The following NEGR1 variants were observed in gnomAD, a reference collection of about 807,000 sequenced individuals.
The protein encoded by NEGR1 is IgLON family member 4.
NEGR1 carries 10 observed loss-of-function variants against 40.9 expected under a neutral mutation model. The ratio of observed to expected loss-of-function variants is 0.24; its 90% CI spans 0.15 to 0.42. NEGR1 has a LOEUF of 0.42. Ranked by LOEUF, NEGR1 falls within the 10% of genes least tolerant of loss-of-function variation. The probability of loss-of-function intolerance (pLI) is 1.00; values close to 1 mark genes in which losing one functional copy is unlikely to be tolerated. For missense variants in NEGR1, 352 were observed against 438.9 expected (o/e 0.80, Z 1.77); for synonymous variants, 185 against 166.8 (o/e 1.11, Z -0.84).
intron 2 of NEGR1, among the ~76,000 whole-genome samples, chr1:71,886,466 A>C (rs376346296): frequency 1.3e-5 from 2 of 151,732 alleles, no homozygotes; most frequent in South Asian, 2.1e-4. Context: ...GGAAAAAAAA[A>C]AAAACAAAGG....
In NEGR1 at chr1:72,033,554, A is replaced by G. The variant is rs1367717445; in HGVS notation, c.177-98243T>C. Among the ~76,000 whole-genome samples, 4 of 152,218 alleles carry G rather than the reference A, an allele frequency of 2.6e-5. No homozygotes were observed. In the East Asian group the frequency reaches 7.7e-4, roughly 29 times the overall value. ...TTTCACACTATTTCACTTTCAAGTA[A>G]ATTCATGCACATTTTAAACATATTA... is the stretch of plus-strand genomic sequence containing the variant. On this transcript the variant is annotated intron_variant, in intron 1 of 6. Coordinates refer to ENST00000357731, the MANE Select transcript of NEGR1 (RefSeq NM_173808.3).
At chr1:72,273,112 C>T (rs1266048320) in intron 1 of NEGR1, among the ~76,000 whole-genome samples, 1 of 151,890 alleles carries the variant, frequency 6.6e-6, no homozygotes, top group East Asian at 1.9e-4. Flanking sequence ...AGCCATATGA[C>T]CACATTAAAA....
chr1:71,477,772 C>T (rs1179086924), intron 6 of NEGR1, among the ~76,000 whole-genome samples: 2 of 151,968 alleles, frequency 1.3e-5, no homozygotes, highest in Non-Finnish European at 2.9e-5. Flanking sequence ...TAGATTATTG[C>T]TGCTTCATTA....
chr1:71,640,362 A>G (rs1651307972), intron 4 of NEGR1, among the ~76,000 whole-genome samples: 1 of 151,976 alleles, frequency 6.6e-6, no homozygotes. Context: ...AAACTGAAAC[A>G]AAGGATGCAT....
chr1:71,484,531 T>C (rs1212631190), intron 6 of NEGR1, among the ~76,000 whole-genome samples: 1 of 151,746 alleles, frequency 6.6e-6, no homozygotes. Flanking sequence ...GAAAACAATC[T>C]CAGACTAGAA....
chr1:72,113,180 C>T (rs892138565), intron 1 of NEGR1, among the ~76,000 whole-genome samples: 11 of 151,542 alleles, frequency 7.3e-5, no homozygotes, highest in African/African-American at 1.9e-4. Context: ...AATTTATGAA[C>T]GGACTAGCAA....
At chr1:71,765,276 GCCATATTCA>G (rs1419365999) in intron 3 of NEGR1, among the ~76,000 whole-genome samples, 1 of 152,014 alleles carries the variant, frequency 6.6e-6, no homozygotes, top group African/African-American at 2.4e-5. Context: ...TGCCTCATTT[GCCATATTCA>G]CCTGACCTCT....
intron 6 of NEGR1, among the ~76,000 whole-genome samples, chr1:71,491,844 T>C (rs759832147): frequency 4.6e-5 from 7 of 151,762 alleles, no homozygotes; most frequent in Non-Finnish European, 1.0e-4. Flanking sequence ...TTTAATAGAG[T>C]GCTATGGTTT....
chr1:72,227,687 A>C (rs1271060292), intron 1 of NEGR1, among the ~76,000 whole-genome samples: 1 of 152,140 alleles, frequency 6.6e-6, no homozygotes, highest in Non-Finnish European at 1.5e-5. Flanking sequence ...CTGAAAACCA[A>C]CGAAAAGACA....
intron 6 of NEGR1, among the ~76,000 whole-genome samples, chr1:71,454,605 T>C (rs1646657712): frequency 6.6e-6 from 1 of 152,318 alleles, no homozygotes; most frequent in African/African-American, 2.4e-5. Context: ...CCCCATATCC[T>C]GAGTTGGGTA....
intron 6 of NEGR1, among the ~76,000 whole-genome samples, chr1:71,502,791 G>T (rs1002559787): frequency 2.0e-5 from 3 of 152,194 alleles, no homozygotes; most frequent in Non-Finnish European, 4.4e-5. Context: ...TGGTGGTTGG[G>T]CATGTTCATA....
At chr1:71,736,336 G>T (rs556101476) in intron 3 of NEGR1, among the ~76,000 whole-genome samples, 9 of 152,022 alleles carry the variant, frequency 5.9e-5, no homozygotes, top group Admixed American at 1.3e-4. Context: ...ACTTTCACAA[G>T]AACTATTTTT....
chr1:71,926,346 G>GAA (rs56677701), intron 2 of NEGR1, among the ~76,000 whole-genome samples: 32 of 146,086 alleles, frequency 2.2e-4, no homozygotes, highest in Middle Eastern at 3.4e-3. Context: ...CTGAAAACTT[G>GAA]AAAAAAAAAA....
At chr1:71,613,267 G>GA (rs533898248) in intron 4 of NEGR1, among the ~76,000 whole-genome samples, 2 of 151,940 alleles carry the variant, frequency 1.3e-5, no homozygotes, top group Admixed American at 1.3e-4. Context: ...GTGACATAGA[G>GA]AAAAAAAGAG....
chr1:71,593,914 C>T (rs1649594760), intron 5 of NEGR1, among the ~76,000 whole-genome samples: 1 of 152,164 alleles, frequency 6.6e-6, no homozygotes, highest in South Asian at 2.1e-4. Flanking sequence ...GTACTATTCT[C>T]TCTAGCAGTT....
At chr1:72,131,825 G>C (rs1650263680) in intron 1 of NEGR1, among the ~76,000 whole-genome samples, 1 of 152,144 alleles carries the variant, frequency 6.6e-6, no homozygotes, top group African/African-American at 2.4e-5. Context: ...GGCTGAGCGT[G>C]GTGGCTCACA....
chr1:71,903,297 A>G (rs1661190721), intron 2 of NEGR1, among the ~76,000 whole-genome samples: 1 of 151,968 alleles, frequency 6.6e-6, no homozygotes, highest in South Asian at 2.1e-4. Flanking sequence ...ATTTTTACTA[A>G]ATAAATAAAT....
chr1:72,170,638 C>CA (rs1210411273), intron 1 of NEGR1, among the ~76,000 whole-genome samples: 2 of 152,162 alleles, frequency 1.3e-5, no homozygotes, highest in African/African-American at 4.8e-5. Context: ...AGCAACAGAG[C>CA]AAATTCATTT....
At chr1:71,800,221 A>C (rs1250411720) in intron 2 of NEGR1, among the ~76,000 whole-genome samples, 2 of 152,014 alleles carry the variant, frequency 1.3e-5, no homozygotes, top group Non-Finnish European at 2.9e-5. Context: ...AAATTTGTTT[A>C]AGTTCTCTGC....
Sources: allele counts gnomAD v4.1 joint callset (sites outside exome capture counted in the v4.1 genomes callset), GRCh38; gene constraint gnomAD v4.1.1; transcripts MANE v1.5; gene names NCBI Gene and HGNC (gene_info 2026-07-23, HGNC 2026-07-21).